The following CALB1 variants were observed in gnomAD, a reference collection of about 807,000 sequenced individuals.
CALB1 encodes the protein calbindin.
Under a neutral mutation model 46.7 loss-of-function variants are expected in CALB1, and 16 were observed. The observed-to-expected ratio is 0.34, with a 90% CI of 0.23 to 0.52. The LOEUF (loss-of-function observed/expected upper bound fraction) is 0.52, where lower values mean the gene tolerates loss of function less well. Ranked by LOEUF, CALB1 falls within the 20% of genes least tolerant of loss-of-function variation. CALB1 has a pLI of 0.95. For synonymous variants in CALB1, 90 were observed against 112.8 expected (o/e 0.80, Z 1.28); for missense variants, 224 against 300.3 (o/e 0.75, Z 1.88).
intron 9 of CALB1, chr8:90,062,403 C>G (rs1814319405): frequency 6.6e-6 from 1 of 151,860 alleles, no homozygotes; most frequent in Admixed American, 6.6e-5. Context: ...GCAAAAGCAG[C>G]CTACAGAATG....
In CALB1 at chr8:90,082,660, G is replaced by A. The variant is rs746206283; in HGVS notation, c.38C>T (p.Ala13Val). 2.3e-5 allele frequency: 37 copies of A among 1,614,014 alleles called. No homozygotes were observed. The highest frequency in any genetic ancestry group is 3.1e-5 in the Non-Finnish European group (36 of 1,180,014). The change falls in exon 1 of 11, where the codon GCC (alanine) becomes GTC (valine). Residue 13 changes from alanine (A) to valine (V), a missense_variant. By Grantham distance (64) the Ala-to-Val change is moderately conservative (BLOSUM62 0). Transcript: ENST00000265431. Reference protein sequence around the residue: ...ESHLQSSLITASQFFEIWLHF... With the variant: ...ESHLQSSLITVSQFFEIWLHF... Reference sequence around the variant, plus strand: ...GAGCCAGATCTCGAAAAACTGTGAGGCTGTGATGAGGGATGACTGCAGGTG... The same window carrying A: ...GAGCCAGATCTCGAAAAACTGTGAGACTGTGATGAGGGATGACTGCAGGTG...
chr8:90,080,938 C>T (rs1429888528), intron 2 of CALB1, among the ~76,000 whole-genome samples: 2 of 151,962 alleles, frequency 1.3e-5, no homozygotes, highest in African/African-American at 4.8e-5. Context: ...AGTGTAAAAT[C>T]TCTTTCTAAA....
chr8:90,069,217 T>C lies in CALB1; in HGVS notation c.252A>G (p.Thr84=), dbSNP rs1336240202. 4.3e-6 allele frequency: 7 copies of C among 1,613,856 alleles called. No individual in the cohort carries two copies. The highest frequency in any genetic ancestry group is 5.9e-6 in the Non-Finnish European group (7 of 1,179,856). ...GGAAGAGCAGCAGGAAATTCTCTTC[T>C]GTGGGTAATACGTGAGCCAACTGGA... ...GIVELAHVLP[T]EENFLLLFRC... is the part of the protein sequence containing the mutation. The change falls in exon 4 of 11, where the codon ACA becomes ACG. Residue 84 remains threonine, a synonymous_variant. Transcript: ENST00000265431.
chr8:90,073,761 G>C (rs1289297744), intron 3 of CALB1, among the ~76,000 whole-genome samples: 1 of 152,176 alleles, frequency 6.6e-6, no homozygotes, highest in Non-Finnish European at 1.5e-5. Context: ...TAGGCACTGT[G>C]CTGGTGACCA....
chr8:90,080,951 T>C (rs1814720965), intron 2 of CALB1, among the ~76,000 whole-genome samples: 4 of 152,086 alleles, frequency 2.6e-5, no homozygotes. Context: ...TTTCTAAACG[T>C]AGTCAAAAAG....
intron 2 of CALB1, among the ~76,000 whole-genome samples, chr8:90,078,680 A>G (rs1468040226): frequency 6.6e-6 from 1 of 152,048 alleles, no homozygotes; most frequent in South Asian, 2.1e-4. Context: ...TTTATCTTCT[A>G]TTATTAATTT....
chr8:90,070,970 T>C (rs1168077774), intron 3 of CALB1, among the ~76,000 whole-genome samples: 1 of 152,154 alleles, frequency 6.6e-6, no homozygotes, highest in Middle Eastern at 3.2e-3. Context: ...CATAAAATTC[T>C]ATACCTCAGA....
chr8:90,078,393 C>T lies in CALB1; in HGVS notation c.211G>A (p.Gly71Arg), dbSNP rs376695190. ...CTTACCTCTACAATTCCTATTTTTC[C>T]ATCATCTCTTTGCCCATACTGATCC... ...FVDQYGQRDD[G>R]KIGIVELAHV... The change falls in exon 3 of 11, where the codon GGA becomes AGA. Residue 71 changes from glycine (G) to arginine (R), a missense_variant. Transcript: ENST00000265431. 4 of 1,587,550 alleles carry T rather than the reference C, an allele frequency of 2.5e-6. No homozygotes were observed. The highest frequency in any genetic ancestry group is 3.4e-6 in the Non-Finnish European group (4 of 1,163,636).
chr8:90,067,716 G>A (rs1814427459), intron 5 of CALB1, among the ~76,000 whole-genome samples: 1 of 152,144 alleles, frequency 6.6e-6, no homozygotes, highest in African/African-American at 2.4e-5. Flanking sequence ...CATAGCAAAA[G>A]AGCAGCTCTT....
At chr8:90,062,723 T>C (rs939266042) in intron 9 of CALB1, 1 of 168,764 alleles carries the variant, frequency 5.9e-6, no homozygotes, top group Non-Finnish European at 1.3e-5. Flanking sequence ...TATACATTGG[T>C]GGGAATGCAA....
Position 90,059,269 on chromosome 8 carries a change from G to T in CALB1, c.*904C>A, listed in dbSNP as rs1045647259. ...TAATTATGTAGTAAAAAATAGAGTT[G>T]TTATAGCTAGAAAAAAATATTTTCA... On this transcript the variant is annotated 3_prime_UTR_variant, in exon 11 of 11. Coordinates refer to ENST00000265431, the MANE Select transcript of CALB1 (RefSeq NM_004929.4). 6.6e-6 allele frequency: 1 copy of T among 152,502 alleles called. No homozygotes were observed. Among genetic ancestry groups the T allele is most frequent in the Non-Finnish European group, 1.5e-5 (1 of 67,992 alleles). The allele number at this position is 152,502 out of a possible 1,614,324, so 9.4% of individuals were successfully genotyped here.
chr8:90,073,489 C>T (rs761926393), intron 3 of CALB1, among the ~76,000 whole-genome samples: 2 of 152,284 alleles, frequency 1.3e-5, no homozygotes, highest in Non-Finnish European at 2.9e-5. Context: ...CTGATGTCCC[C>T]GTTGAGACTG....
intron 5 of CALB1, among the ~76,000 whole-genome samples, chr8:90,068,317 T>G (rs1331987204): frequency 6.6e-6 from 1 of 152,224 alleles, no homozygotes; most frequent in African/African-American, 2.4e-5. Flanking sequence ...TTCCTTTATA[T>G]CCTCCTCTGT....
chr8:90,063,475 T>C lies in CALB1; in HGVS notation c.451-14A>G, dbSNP rs1399085702. The C allele has an allele frequency of 3.1e-6, 5 of 1,603,452 alleles. No homozygotes were observed. The highest frequency in any genetic ancestry group is 4.3e-6 in the Non-Finnish European group (5 of 1,171,646). On this transcript the variant is annotated splice_polypyrimidine_tract_variant and intron_variant, in intron 6 of 10. Transcript: ENST00000265431. ...AAATAGTTTCAGCTGAAAGACAGAA[T>C]GCCATTATTCTAGCTATTTGAGGAA... is the stretch of plus-strand genomic sequence containing the variant.
intron 6 of CALB1, chr8:90,063,765 T>C (rs996842796): frequency 3.1e-5 from 8 of 256,098 alleles, no homozygotes; most frequent in Non-Finnish European, 5.9e-5. Flanking sequence ...GTGGGAGGGA[T>C]GGTGTCTGAC....
rs771574721 is a variant in CALB1, at chr8:90,071,758, T to C, written c.232-2521A>G. On this transcript the variant is annotated intron_variant, in intron 3 of 10. Coordinates refer to ENST00000265431, the MANE Select transcript of CALB1 (RefSeq NM_004929.4). The stretch of plus-strand genomic sequence containing the variant: ...GCATGATATAGAAGGTCTAGCCACA[T>C]TTTATTATGTTTTTTTCATGAATAT... Among the ~76,000 whole-genome samples, 40 of 152,264 alleles carry C rather than the reference T, an allele frequency of 2.6e-4. 1 individual carries two copies. Among genetic ancestry groups the C allele is most frequent in the Middle Eastern group, 6.8e-3 (2 of 294 alleles).
At chr8:90,065,632 G>T (rs1484749114) in intron 6 of CALB1, among the ~76,000 whole-genome samples, 1 of 151,782 alleles carries the variant, frequency 6.6e-6, no homozygotes, top group African/African-American at 2.4e-5. Flanking sequence ...AGCAAAACAA[G>T]TCATCTTTTG....
rs773576087 is a variant in CALB1, at chr8:90,063,139, A to G, written c.561T>C (p.Cys187=). The change falls in exon 9 of 11, where the codon TGT becomes TGC. Residue 187 remains cysteine, a synonymous_variant. Coordinates refer to ENST00000265431, the MANE Select transcript of CALB1 (RefSeq NM_004929.4). The stretch of plus-strand genomic sequence containing the variant: ...CAAAAGCCTTATTGAACTCTTTCCC[A>G]CACATTTTGATTCCCTAAAGATAGA... ...FLLKFQGIKM[C]GKEFNKAFEL... is the part of the protein sequence containing the mutation. The G allele has an allele frequency of 2.5e-6, 4 of 1,608,096 alleles. No homozygotes were observed. The South Asian group carries it at 4.4e-5, about 18-fold the overall frequency.
In CALB1 at chr8:90,069,058, TA is replaced by T. The variant is rs777270837; in HGVS notation, c.316-5del. ...CAGTATCATATTTTCTCCATGTCTG[TA>T]AGTAATTTTGGATAAGGAAAACAAA... On this transcript the variant is annotated splice_region_variant and splice_polypyrimidine_tract_variant and intron_variant, in intron 4 of 10. Transcript: ENST00000265431. 6 of 1,612,880 alleles carry T rather than the reference TA, an allele frequency of 3.7e-6. No individual in the cohort carries two copies. The African/African-American group carries it at 8.0e-5, about 22-fold the overall frequency.
Sources: gnomAD v4.1 joint callset for allele counts (sites outside exome capture counted in the v4.1 genomes callset) on GRCh38, gnomAD v4.1.1 for gene constraint, MANE v1.5 for transcripts, NCBI Gene and HGNC (gene_info 2026-07-23, HGNC 2026-07-21) for gene names.